The following SLC22A15 variants were observed in gnomAD, a reference collection of about 807,000 sequenced individuals.
SLC22A15 encodes solute carrier family 22 member 15.
A neutral mutation model predicts 62.7 loss-of-function variants in SLC22A15; 45 were observed. The ratio of observed to expected loss-of-function variants is 0.72; its 90% CI spans 0.56 to 0.92. The LOEUF (loss-of-function observed/expected upper bound fraction) is 0.92, where lower values mean the gene tolerates loss of function less well. Ranked by LOEUF, SLC22A15 falls within the 40% of genes least tolerant of loss-of-function variation. SLC22A15 has a pLI of 0.00. For missense variants in SLC22A15, 622 were observed against 665.6 expected, an observed-to-expected ratio of 0.93 and a Z score of 0.72; for synonymous variants, 264 against 267.0, an observed-to-expected ratio of 0.99 and a Z score of 0.11.
At position 116,020,888 on chromosome 1, in the gene SLC22A15, AC is replaced by A; in HGVS notation, c.598+4del. ...CACCGCCTACTGGGCACTTGCAGGTACTACTTAAATCATGCAGCTCTGGACT... is the reference window on the plus strand; with the variant it reads ...CACCGCCTACTGGGCACTTGCAGGTATACTTAAATCATGCAGCTCTGGACT... On this transcript the variant is annotated splice_donor_region_variant and intron_variant, in intron 4 of 11. Coordinates refer to ENST00000369503, the MANE Select transcript of SLC22A15 (RefSeq NM_018420.3). 1.2e-6 allele frequency: 2 copies of A among 1,610,260 alleles called. No individual in the cohort carries two copies. The highest frequency in any genetic ancestry group is 1.7e-6 in the Non-Finnish European group (2 of 1,177,826).
At chr1:116,059,685 G>A (rs1477830614) in intron 8 of SLC22A15, among the ~76,000 whole-genome samples, 1 of 152,120 alleles carries the variant, frequency 6.6e-6, no homozygotes, top group Non-Finnish European at 1.5e-5. Flanking sequence ...CATAGCAGAG[G>A]ACCTGTACCT....
intron 1 of SLC22A15, among the ~76,000 whole-genome samples, chr1:115,987,338 G>C (rs1395933712): frequency 6.6e-6 from 1 of 151,884 alleles, no homozygotes; most frequent in Admixed American, 6.6e-5. Flanking sequence ...GCTAATTTTT[G>C]TATTTTTATT....
At position 115,987,614 on chromosome 1, in the gene SLC22A15, G is replaced by A. The variant is rs531743208; in HGVS notation, c.88-4417G>A. 2.9e-4 allele frequency among the ~76,000 whole-genome samples: 44 copies of A among 152,228 alleles called. No individual in the cohort carries two copies. The South Asian group carries it at 9.1e-3, about 32-fold the overall frequency. ...ATACCCACTTTGTGCTGGACACTGG[G>A]CATATAATCCTGTCTTCATGATTAT... On this transcript the variant is annotated intron_variant, in intron 1 of 11. Transcript: ENST00000369503.
intron 1 of SLC22A15, among the ~76,000 whole-genome samples, chr1:115,983,824 A>G (rs1037339443): frequency 1.1e-4 from 16 of 152,224 alleles, no homozygotes; most frequent in African/African-American, 2.9e-4. Flanking sequence ...GGACCAGCAC[A>G]TAAGTGGTAA....
chr1:116,043,606 A>G (rs1210222433), intron 8 of SLC22A15, among the ~76,000 whole-genome samples: 1 of 152,158 alleles, frequency 6.6e-6, no homozygotes, highest in African/African-American at 2.4e-5. Flanking sequence ...AATTAAGCAC[A>G]ATGCAAGCAC....
At chr1:116,055,127 G>T (rs1275802916) in intron 8 of SLC22A15, among the ~76,000 whole-genome samples, 1 of 148,764 alleles carries the variant, frequency 6.7e-6, no homozygotes, top group African/African-American at 2.5e-5. Context: ...CTGGTTTTTT[G>T]AAAGGATCAA....
chr1:116,026,639 T>G (rs1354582731), intron 4 of SLC22A15, among the ~76,000 whole-genome samples: 1 of 152,230 alleles, frequency 6.6e-6, no homozygotes, highest in Non-Finnish European at 1.5e-5. Flanking sequence ...TTCTTAAAAT[T>G]TATATATCCC....
chr1:115,997,711 T>C (rs1224848619), intron 2 of SLC22A15, among the ~76,000 whole-genome samples: 1 of 151,712 alleles, frequency 6.6e-6, no homozygotes, highest in Non-Finnish European at 1.5e-5. Flanking sequence ...GAGTCTTTAG[T>C]TTTTTTTCAG....
intron 10 of SLC22A15, among the ~76,000 whole-genome samples, chr1:116,065,422 T>C (rs1302535669): frequency 6.6e-6 from 1 of 152,202 alleles, no homozygotes; most frequent in Non-Finnish European, 1.5e-5. Flanking sequence ...GTTAGAGATA[T>C]CTGACTTTGG....
intron 8 of SLC22A15, among the ~76,000 whole-genome samples, chr1:116,053,788 C>T (rs1479033100): frequency 6.6e-6 from 1 of 151,994 alleles, no homozygotes; most frequent in East Asian, 1.9e-4. Context: ...CCCAGAATTT[C>T]ATATCCAGCC....
At chr1:116,022,565 C>T (rs77002146) in intron 4 of SLC22A15, among the ~76,000 whole-genome samples, 2,978 of 152,226 alleles carry the variant, frequency 0.02, 100 homozygotes, top group African/African-American at 0.068. Flanking sequence ...TATACCACTC[C>T]CACCCTGCCA....
rs550993448 is a variant in SLC22A15, at chr1:116,031,758, G to A, written c.944+177G>A. 313 of 1,429,158 alleles carry A rather than the reference G, an allele frequency of 2.2e-4. No individual in the cohort carries two copies. The African/African-American group carries it at 3.7e-3, about 17-fold the overall frequency. The allele number at this position is 1,429,158 out of a possible 1,614,324, so 88.5% of individuals were successfully genotyped here. A position where few individuals can be genotyped will look rare whatever the true frequency, so the allele number is the denominator to read the frequency against. The stretch of plus-strand genomic sequence containing the variant: ...CCTGGTTTTCTGCTTGCGCAGCCCC[G>A]TCTTTCTCAAGTAGCAGATGATAGT... On this transcript the variant is annotated intron_variant, in intron 6 of 11. Coordinates refer to ENST00000369503, the MANE Select transcript of SLC22A15 (RefSeq NM_018420.3).
intron 4 of SLC22A15, among the ~76,000 whole-genome samples, chr1:116,022,553 C>T (rs1026419970): frequency 2.6e-5 from 4 of 152,148 alleles, no homozygotes; most frequent in Admixed American, 6.5e-5. Flanking sequence ...TTATAAAAAA[C>T]GTATACCACT....
Position 116,069,427 on chromosome 1 carries a change from T to A in SLC22A15, c.*2319T>A, listed in dbSNP as rs1220916983. The A allele has an allele frequency of 6.6e-6, 1 of 152,176 alleles. No homozygotes were observed. Among genetic ancestry groups the A allele is most frequent in the Non-Finnish European group, 1.5e-5 (1 of 68,024 alleles). The allele number at this position is 152,176 out of a possible 1,614,324, so 9.4% of individuals were successfully genotyped here. A position where few individuals can be genotyped will look rare whatever the true frequency, so the allele number is the denominator to read the frequency against. ...TTCATTGACAGGTAATGTATTTTGGTTGTGCGGATGGTTTGTAAAAAGTAT... is the reference window on the plus strand; with the variant it reads ...TTCATTGACAGGTAATGTATTTTGGATGTGCGGATGGTTTGTAAAAAGTAT... On this transcript the variant is annotated 3_prime_UTR_variant, in exon 12 of 12. Transcript: ENST00000369503.
In SLC22A15 at chr1:116,031,503, G is replaced by T; in HGVS notation, c.866G>T (p.Cys289Phe). 1.9e-6 allele frequency: 3 copies of T among 1,614,012 alleles called. No homozygotes were observed. The highest frequency in any genetic ancestry group is 1.1e-5 in the South Asian group (1 of 91,082). Reference protein sequence around the residue: ...FSLTHPANRSCRETGSFLDLF... With the variant: ...FSLTHPANRSFRETGSFLDLF... ...CTAACACACCCAGCCAACAGGAGCTGCAGGGAGACTGGAAGTTTCCTGGAT... is the reference window on the plus strand; with the variant it reads ...CTAACACACCCAGCCAACAGGAGCTTCAGGGAGACTGGAAGTTTCCTGGAT... Residue 289 changes from cysteine to phenylalanine, a missense_variant, in exon 6 of 12, where the codon TGC becomes TTC. Cys to Phe is a radical substitution (Grantham distance 205). Transcript: ENST00000369503.
chr1:116,018,649 G>T (rs1408501209), intron 2 of SLC22A15, among the ~76,000 whole-genome samples: 5 of 151,910 alleles, frequency 3.3e-5, no homozygotes, highest in Non-Finnish European at 7.4e-5. Context: ...TAATTTTATT[G>T]ACATAATTAT....
At chr1:116,037,264 G>A (rs115213195) in intron 7 of SLC22A15, 39 bp from the exon 8 acceptor site, 3 of 1,517,842 alleles carry the variant, frequency 2.0e-6, no homozygotes, top group Middle Eastern at 3.4e-4. Flanking sequence ...AATTTATAAG[G>A]TTCTTAAGAG....
At chr1:115,997,262 C>T (rs960869257) in intron 2 of SLC22A15, among the ~76,000 whole-genome samples, 25 of 151,522 alleles carry the variant, frequency 1.6e-4, no homozygotes, top group Non-Finnish European at 1.5e-5. Flanking sequence ...TGTTGTTGCT[C>T]AGGATGGCTT....
intron 2 of SLC22A15, among the ~76,000 whole-genome samples, chr1:116,007,759 C>A (rs1164571135): frequency 6.6e-6 from 1 of 152,206 alleles, no homozygotes; most frequent in Non-Finnish European, 1.5e-5. Flanking sequence ...CTAAATCATA[C>A]ACCTAATAAG....
Sources: allele counts gnomAD v4.1 joint callset (sites outside exome capture counted in the v4.1 genomes callset), GRCh38; gene constraint gnomAD v4.1.1; transcripts MANE v1.5; gene names NCBI Gene and HGNC (gene_info 2026-07-23, HGNC 2026-07-21).